STK38: variants seen among roughly 807,000 people sequenced by gnomAD.
STK38 encodes the protein serine/threonine-protein kinase 38.
STK38 carries 26 observed loss-of-function variants against 59.0 expected under a neutral mutation model. That is an observed-to-expected ratio of 0.44 (90% confidence interval 0.32 to 0.61). The LOEUF (loss-of-function observed/expected upper bound fraction) is 0.61. Among genes scored for constraint, STK38 ranks in the 20% least tolerant of loss-of-function variants. The pLI, the probability that STK38 is intolerant of heterozygous loss-of-function variation, is 0.04. For missense variants in STK38, 433 were observed against 566.0 expected (o/e 0.76, Z 2.38); for synonymous variants, 175 against 176.6 (o/e 0.99, Z 0.07).
chr6:36,504,475 G>A (rs887203517), intron 9 of STK38, among the ~76,000 whole-genome samples: 7 of 152,098 alleles, frequency 4.6e-5, no homozygotes, highest in Admixed American at 2.6e-4. Context: ...AGCTGAATGG[G>A]ATCACTAACA....
intron 6 of STK38, 54 bp from the exon 7 acceptor site, chr6:36,515,546 AC>A: frequency 6.2e-7 from 1 of 1,604,070 alleles, no homozygotes; most frequent in Non-Finnish European, 8.5e-7. Context: ...ACACACACAC[AC>A]ACACACACAA....
chr6:36,535,211 G>A (rs1312735389), intron 2 of STK38, among the ~76,000 whole-genome samples: 1 of 152,170 alleles, frequency 6.6e-6, no homozygotes, highest in Admixed American at 6.5e-5. Flanking sequence ...CAGCACTTTG[G>A]GAGGAGGCGG....
chr6:36,527,317 CACACATATATAT>C (rs1777553413), intron 2 of STK38, among the ~76,000 whole-genome samples: 4 of 84,002 alleles, frequency 4.8e-5, no homozygotes, highest in South Asian at 3.4e-4. Flanking sequence ...CGTATATATA[CACACATATATAT>C]ACACACACAT....
chr6:36,505,320 A>G (rs1242331980), intron 9 of STK38, among the ~76,000 whole-genome samples: 1 of 152,228 alleles, frequency 6.6e-6, no homozygotes, highest in Non-Finnish European at 1.5e-5. Flanking sequence ...AACCACATAC[A>G]GAATTCAGAA....
At chr6:36,540,634 T>C (rs1408100931) in intron 1 of STK38, among the ~76,000 whole-genome samples, 1 of 152,196 alleles carries the variant, frequency 6.6e-6, no homozygotes, top group East Asian at 1.9e-4. Flanking sequence ...ATATCTTTTT[T>C]TTTCTTTTTG....
chr6:36,516,616 C>A (rs6457923), intron 6 of STK38, among the ~76,000 whole-genome samples: 36,082 of 152,130 alleles, frequency 0.24, 4,513 homozygotes, highest in East Asian at 0.39. Context: ...TCACTCCTGG[C>A]AGCCCTTCAA....
rs886709286 is a variant in STK38, at chr6:36,524,544, C to T, written c.184-81G>A. On this transcript the variant is annotated intron_variant, in intron 3 of 13. Coordinates refer to ENST00000229812, the MANE Select transcript of STK38 (RefSeq NM_007271.4). Reference sequence around the variant, plus strand: ...TGTAACAAGTCATGTTTGTGACTTACCCAGCTAGAAAACAGGTCCAAGTGG... The same window carrying T: ...TGTAACAAGTCATGTTTGTGACTTATCCAGCTAGAAAACAGGTCCAAGTGG... 4.9e-6 allele frequency: 7 copies of T among 1,431,260 alleles called. No homozygotes were observed. The African/African-American group carries it at 8.7e-5, about 18-fold the overall frequency. The allele number at this position is 1,431,260 out of a possible 1,614,324, so 88.7% of individuals were successfully genotyped here. A position where few individuals can be genotyped will look rare whatever the true frequency, so the allele number is the denominator to read the frequency against.
rs1181904845 is a variant in STK38, at chr6:36,532,241, G to A, written c.132-6599C>T. The stretch of plus-strand genomic sequence containing the variant: ...TGGCTTGAGCCCAGGAGTTTGAGGC[G>A]GCAGTGAGCGAGCCATGATCACATC... On this transcript the variant is annotated intron_variant, in intron 2 of 13. Transcript: ENST00000229812. Among the ~76,000 whole-genome samples the A allele has an allele frequency of 2.7e-5, 4 of 150,668 alleles. 1 individual carries two copies. Among genetic ancestry groups the A allele is most frequent in the South Asian group, 4.2e-4 (2 of 4,758 alleles).
chr6:36,523,826 G>A (rs1482863136), intron 4 of STK38, among the ~76,000 whole-genome samples: 2 of 152,090 alleles, frequency 1.3e-5, no homozygotes, highest in African/African-American at 4.8e-5. Context: ...TTTTAGAGCT[G>A]TATCAATCTG....
chr6:36,547,143 G>A (rs1244899824), intron 1 of STK38, 47 bp downstream of exon 1: 3 of 153,496 alleles, frequency 2.0e-5, no homozygotes, highest in Admixed American at 1.3e-4. Context: ...AGGAGATAAA[G>A]GAAAAACCCC....
intron 5 of STK38, among the ~76,000 whole-genome samples, chr6:36,520,948 C>G (rs1028476955): frequency 3.9e-5 from 6 of 152,124 alleles, no homozygotes; most frequent in Non-Finnish European, 8.8e-5. Flanking sequence ...GTCACAGGGT[C>G]TCCATGTTCC....
rs193028048 is a variant in STK38, at chr6:36,515,777, G to A, written c.515-285C>T. Among the ~76,000 whole-genome samples the A allele has an allele frequency of 2.2e-4, 33 of 152,258 alleles. 1 individual carries two copies. The highest frequency in any genetic ancestry group is 1.2e-3 in the South Asian group (6 of 4,820). On this transcript the variant is annotated intron_variant, in intron 6 of 13. Transcript: ENST00000229812. Reference sequence around the variant, plus strand: ...TTCTCCCACACTTTAAAAAACAACTGTATTTGCTTAGGATAATTTTTTGGA... The same window carrying A: ...TTCTCCCACACTTTAAAAAACAACTATATTTGCTTAGGATAATTTTTTGGA...
chr6:36,525,506 C>T, intron 3 of STK38, 85 bp downstream of exon 3: 1 of 1,290,978 alleles, frequency 7.7e-7, no homozygotes, highest in Non-Finnish European at 1.1e-6. Context: ...AAACCCTTCT[C>T]ATGTGTACCA....
intron 5 of STK38, among the ~76,000 whole-genome samples, chr6:36,519,414 T>C (rs539083045): frequency 4.6e-5 from 7 of 152,316 alleles, no homozygotes; most frequent in African/African-American, 1.4e-4. Context: ...AGCCTTCATC[T>C]GCCTGTCTCC....
chr6:36,521,910 GTA>G, intron 4 of STK38, 93 bp from the exon 5 acceptor site: 2 of 1,022,340 alleles, frequency 2.0e-6, no homozygotes, highest in Non-Finnish European at 2.9e-6. Context: ...AACTGAAAAA[GTA>G]TTACAATTTT....
At position 36,495,812 on chromosome 6, in the gene STK38, A is replaced by G. The variant is rs773860206; in HGVS notation, c.1370T>C (p.Ile457Thr). The G allele has an allele frequency of 1.9e-6, 3 of 1,614,028 alleles. No individual in the cohort carries two copies. The highest frequency in any genetic ancestry group is 1.7e-6 in the Non-Finnish European group (2 of 1,179,956). The change falls in exon 14 of 14, where the codon ATA (isoleucine) becomes ACA (threonine). Residue 457 changes from isoleucine (I) to threonine (T), a missense_variant. By Grantham distance (89) the Ile-to-Thr change is moderately conservative (BLOSUM62 -1). Coordinates refer to ENST00000229812, the MANE Select transcript of STK38 (RefSeq NM_007271.4). ...TTTTGCTGCTTTCATGTAGGAAGGT[A>G]TTGCCCCCCTTGCAGTCAGGCCCTC... The part of the protein sequence containing the change: ...RFEGLTARGA[I>T]PSYMKAAK
At chr6:36,497,191 A>G (rs187790565) in intron 12 of STK38, among the ~76,000 whole-genome samples, 48 of 152,350 alleles carry the variant, frequency 3.2e-4, no homozygotes, top group African/African-American at 1.1e-3. Flanking sequence ...GAAAAGTGGC[A>G]AAGGTAAAAA....
intron 2 of STK38, among the ~76,000 whole-genome samples, chr6:36,528,178 C>A (rs1394588522): frequency 6.6e-6 from 1 of 151,742 alleles, no homozygotes; most frequent in Admixed American, 6.6e-5. Context: ...ACGCACACAG[C>A]ACTACAAATG....
At chr6:36,526,651 T>C (rs1472027260) in intron 2 of STK38, among the ~76,000 whole-genome samples, 3 of 151,968 alleles carry the variant, frequency 2.0e-5, no homozygotes, top group Non-Finnish European at 4.4e-5. Flanking sequence ...CCCCAACACT[T>C]TGGGAGGCCG....
Sources: gnomAD v4.1 joint callset for allele counts (sites outside exome capture counted in the v4.1 genomes callset) on GRCh38, gnomAD v4.1.1 for gene constraint, MANE v1.5 for transcripts, NCBI Gene and HGNC (gene_info 2026-07-23, HGNC 2026-07-21) for gene names.